Variants in HDAC9 observed in about 807,000 individuals in gnomAD.
HDAC9 encodes histone deacetylase 9.
In HDAC9, 41 loss-of-function variants were observed where a neutral mutation model predicts 139.4. The ratio of observed to expected loss-of-function variants is 0.29; its 90% CI spans 0.23 to 0.38. HDAC9 has a LOEUF of 0.38. Ranked by LOEUF, HDAC9 falls within the 10% of genes least tolerant of loss-of-function variation. HDAC9 has a pLI of 1.00. For missense variants in HDAC9, 1,147 were observed against 1,297.0 expected (o/e 0.88, Z 1.78); for synonymous variants, 517 against 476.2 (o/e 1.09, Z -1.12).
intron 2 of HDAC9, among the ~76,000 whole-genome samples, chr7:18,268,960 G>C (rs1049228800): frequency 6.6e-6 from 1 of 152,208 alleles, no homozygotes; most frequent in East Asian, 1.9e-4. Context: ...GAAGACTAAA[G>C]TAATGGTACA....
At chr7:18,655,710 G>C (rs935055981) in intron 11 of HDAC9, among the ~76,000 whole-genome samples, 11 of 152,170 alleles carry the variant, frequency 7.2e-5, no homozygotes, top group African/African-American at 2.7e-4. Context: ...TTCATAACTT[G>C]GAGACCAAGG....
intron 19 of HDAC9, among the ~76,000 whole-genome samples, chr7:18,834,823 C>T (rs1796117711): frequency 6.6e-6 from 1 of 152,188 alleles, no homozygotes; most frequent in Non-Finnish European, 1.5e-5. Context: ...GCTAACTGAA[C>T]TGAACGCTTC....
At chr7:18,253,992 A>G (rs1036234647) in intron 2 of HDAC9, among the ~76,000 whole-genome samples, 5 of 152,264 alleles carry the variant, frequency 3.3e-5, no homozygotes, top group Admixed American at 2.6e-4. Context: ...AAAAGAAAAC[A>G]GAGTTTTGAA....
At chr7:18,347,864 A>ACT (rs1338932544) in intron 1 of HDAC9, among the ~76,000 whole-genome samples, 5 of 152,302 alleles carry the variant, frequency 3.3e-5, no homozygotes, top group Admixed American at 1.3e-4. Context: ...GGCACGAGCC[A>ACT]CTGCACCTGG....
intron 2 of HDAC9, among the ~76,000 whole-genome samples, chr7:18,205,450 C>T (rs1791433784): frequency 6.6e-6 from 1 of 151,942 alleles, no homozygotes. Context: ...TCATAGTAAT[C>T]AAAGTCTTGC....
chr7:18,462,014 G>T (rs2128110692), intron 1 of HDAC9, among the ~76,000 whole-genome samples: 1 of 151,862 alleles, frequency 6.6e-6, no homozygotes, highest in Non-Finnish European at 1.5e-5. Context: ...ATTAGTAAAT[G>T]GTTATGTTTT....
chr7:18,549,445 A>G (rs1021737237), intron 2 of HDAC9, among the ~76,000 whole-genome samples: 2 of 152,188 alleles, frequency 1.3e-5, no homozygotes, highest in Admixed American at 6.5e-5. Flanking sequence ...TGTGTGGTAC[A>G]TCCATGCCAT....
chr7:18,918,811 G>A (rs1044869908), intron 22 of HDAC9, among the ~76,000 whole-genome samples: 2 of 152,102 alleles, frequency 1.3e-5, no homozygotes, highest in Admixed American at 6.6e-5. Flanking sequence ...AAATGATTAC[G>A]GTGGAATTAA....
At chr7:18,767,395 C>G (rs934729527) in intron 16 of HDAC9, among the ~76,000 whole-genome samples, 1 of 152,202 alleles carries the variant, frequency 6.6e-6, no homozygotes, top group African/African-American at 2.4e-5. Context: ...CAAGGCCCTT[C>G]TAACTGTAAG....
rs1202115527 is a variant in HDAC9, at chr7:18,804,085, AAG to A, written c.2322+10638_2322+10639del. Among the ~76,000 whole-genome samples the A allele has an allele frequency of 8.5e-5, 13 of 152,340 alleles. No individual in the cohort carries two copies. The East Asian group carries it at 2.5e-3, about 29-fold the overall frequency. On this transcript the variant is annotated intron_variant, in intron 17 of 25. Coordinates refer to ENST00000686413, the MANE Select transcript of HDAC9 (RefSeq NM_178425.4). ...TGTTATGGATAAAAGTAAAGGATGA[AAG>A]AGAGCTAGAGGAAGGCTGAGCAAGA... is the stretch of plus-strand genomic sequence containing the variant.
chr7:18,690,795 T>C lies in HDAC9; in HGVS notation c.1731+24319T>C, dbSNP rs151241278. 6.7e-3 allele frequency among the ~76,000 whole-genome samples: 1,012 copies of C among 152,120 alleles called. 11 individuals carry two copies. The highest frequency in any genetic ancestry group is 0.023 in the African/African-American group (935 of 41,526). On this transcript the variant is annotated intron_variant, in intron 12 of 25. Coordinates refer to ENST00000686413, the MANE Select transcript of HDAC9 (RefSeq NM_178425.4). ...AGACGTACGGCATGCAACTAGCACA[T>C]TTTGGCATTATGCCTTTTTTCTGTA...
intron 2 of HDAC9, among the ~76,000 whole-genome samples, chr7:18,517,460 C>T (rs553731849): frequency 6.6e-6 from 1 of 152,180 alleles, no homozygotes; most frequent in Non-Finnish European, 1.5e-5. Context: ...GATGCGAGAG[C>T]TGCCTGCATT....
intron 1 of HDAC9, among the ~76,000 whole-genome samples, chr7:18,448,297 G>A (rs1008261961): frequency 6.6e-6 from 1 of 152,202 alleles, no homozygotes; most frequent in Non-Finnish European, 1.5e-5. Context: ...AAGAGTAGAT[G>A]TTGAAAGGAG....
At chr7:18,768,221 CTAAG>C (rs1789991523) in intron 16 of HDAC9, among the ~76,000 whole-genome samples, 1 of 152,120 alleles carries the variant, frequency 6.6e-6, no homozygotes, top group African/African-American at 2.4e-5. Flanking sequence ...CTGGGAGAAG[CTAAG>C]TTATTTTCCT....
intron 1 of HDAC9, among the ~76,000 whole-genome samples, chr7:18,385,424 A>G (rs1219685370): frequency 2.0e-5 from 3 of 152,168 alleles, no homozygotes; most frequent in East Asian, 3.9e-4. Flanking sequence ...CCAGTTTTCA[A>G]TTTTGGTCTG....
intron 2 of HDAC9, among the ~76,000 whole-genome samples, chr7:18,162,834 T>C (rs565312210): frequency 2.0e-5 from 3 of 152,292 alleles, no homozygotes; most frequent in African/African-American, 2.4e-5. Context: ...TATACATATT[T>C]AATTATAATC....
chr7:18,333,364 A>G (rs1781349662), intron 1 of HDAC9, among the ~76,000 whole-genome samples: 1 of 151,550 alleles, frequency 6.6e-6, no homozygotes, highest in Non-Finnish European at 1.5e-5. Flanking sequence ...AGTTAATAAA[A>G]TTGTACAGTA....
intron 16 of HDAC9, among the ~76,000 whole-genome samples, chr7:18,777,995 A>G (rs1170380019): frequency 6.6e-6 from 1 of 151,936 alleles, no homozygotes; most frequent in Non-Finnish European, 1.5e-5. Context: ...GAAGTTTCCT[A>G]TTCTACAGAA....
chr7:18,604,524 A>C (rs1834892430), intron 6 of HDAC9, among the ~76,000 whole-genome samples: 1 of 151,066 alleles, frequency 6.6e-6, no homozygotes, highest in African/African-American at 2.4e-5. Flanking sequence ...CTCCTGCCTC[A>C]GCCTCCCGAG....
Sources: gnomAD v4.1 joint callset for allele counts (sites outside exome capture counted in the v4.1 genomes callset) on GRCh38, gnomAD v4.1.1 for gene constraint, MANE v1.5 for transcripts, NCBI Gene and HGNC (gene_info 2026-07-23, HGNC 2026-07-21) for gene names.